Variants in RRN3 observed in about 807,000 individuals in gnomAD.
RRN3 encodes RNA polymerase I transcription factor RRN3.
RRN3 carries 38 observed loss-of-function variants against 82.3 expected under a neutral mutation model. The ratio of observed to expected loss-of-function variants is 0.46; its 90% CI spans 0.36 to 0.61. The LOEUF (loss-of-function observed/expected upper bound fraction) is 0.61. Among genes scored for constraint, RRN3 ranks in the 20% least tolerant of loss-of-function variants. RRN3 has a pLI of 0.00. For synonymous variants in RRN3, 284 were observed against 284.3 expected, an observed-to-expected ratio of 1.00 and a Z score of 0.01; for missense variants, 726 against 793.1, an observed-to-expected ratio of 0.92 and a Z score of 1.02.
intron 6 of RRN3, among the ~76,000 whole-genome samples, chr16:15,085,053 G>A (rs575724468): frequency 2.0e-5 from 3 of 151,918 alleles, no homozygotes; most frequent in Admixed American, 6.6e-5. Context: ...GCAACAGAGC[G>A]AGACTCTGTC....
chr16:15,060,105 A>G lies in RRN3; in HGVS notation c.*1639T>C. 1 of 342,006 alleles carries G rather than the reference A, an allele frequency of 2.9e-6. No individual in the cohort carries two copies. The highest frequency in any genetic ancestry group is 5.8e-6 in the Non-Finnish European group (1 of 173,188). The allele number at this position is 342,006 out of a possible 1,614,324, so 21.2% of individuals were successfully genotyped here. ...ACCATGTCATTGTTTCATTTTCACC[A>G]TGGATTTTTTTTCACAAACTCCTTT... On this transcript the variant is annotated 3_prime_UTR_variant, in exon 18 of 18. Transcript: ENST00000198767.
In RRN3 at chr16:15,061,566, C is replaced by T. The variant is rs1773718823; in HGVS notation, c.*178G>A. 2.0e-6 allele frequency: 1 copy of T among 499,652 alleles called. No homozygotes were observed. The highest frequency in any genetic ancestry group is 1.9e-5 in the African/African-American group (1 of 52,008). 31.0% of individuals were successfully genotyped at this position (499,652 alleles called of 1,614,324 possible). ...ATTTTGTCTGTAAGGGGAACAACAA[C>T]AACAAAAAAACCCAGTCTTCAGATG... On this transcript the variant is annotated 3_prime_UTR_variant, in exon 18 of 18. Transcript: ENST00000198767.
chr16:15,091,968 G>A (rs1048386119), intron 2 of RRN3, among the ~76,000 whole-genome samples: 11 of 152,170 alleles, frequency 7.2e-5, no homozygotes, highest in Non-Finnish European at 1.3e-4. Flanking sequence ...CACAAGGTCA[G>A]GAGTTCGAGA....
At position 15,074,782 on chromosome 16, in the gene RRN3, C is replaced by T. The variant is rs553992239; in HGVS notation, c.938G>A (p.Arg313His). 15 of 1,614,022 alleles carry T rather than the reference C, an allele frequency of 9.3e-6. No individual in the cohort carries two copies. The highest frequency in any genetic ancestry group is 3.3e-5 in the South Asian group (3 of 91,068). Reference protein sequence around the residue: ...LDQMVHPVAERLDILMSLVLS... With the variant: ...LDQMVHPVAEHLDILMSLVLS... ...AACCAAAGACATCAGGATGTCCAGG[C>T]GCTCGGCTACAGGATGCACCATCTG... is the stretch of plus-strand genomic sequence containing the variant. Residue 313 changes from arginine (R) to histidine (H), a missense_variant, in exon 11 of 18, where the codon CGC becomes CAC. Physicochemically the swap from Arg to His is conservative, Grantham distance 29. Around this residue, in one of 4 missense-constraint regions of RRN3, gnomAD observed 344 missense variants for 394.5 expected, o/e 0.87. Coordinates refer to ENST00000198767, the MANE Select transcript of RRN3 (RefSeq NM_018427.5).
intron 13 of RRN3, 40 bp from the exon 14 acceptor site, chr16:15,070,294 A>C: frequency 4.4e-6 from 7 of 1,606,274 alleles, no homozygotes; most frequent in Non-Finnish European, 5.9e-6. Flanking sequence ...TACACATCAT[A>C]AAAAAACCAG....
At chr16:15,076,127 C>A (rs926967549) in intron 10 of RRN3, among the ~76,000 whole-genome samples, 6 of 152,212 alleles carry the variant, frequency 3.9e-5, no homozygotes. Flanking sequence ...TGCTCCCTGA[C>A]ACCCTCTGTC....
At chr16:15,063,806 T>C (rs1219752373) in intron 16 of RRN3, among the ~76,000 whole-genome samples, 1 of 152,084 alleles carries the variant, frequency 6.6e-6, no homozygotes, top group African/African-American at 2.4e-5. Context: ...CATTCACTCA[T>C]GTCGATGGAG....
chr16:15,066,911 C>A (rs1440356122), intron 15 of RRN3, among the ~76,000 whole-genome samples: 2 of 152,020 alleles, frequency 1.3e-5, no homozygotes, highest in Admixed American at 6.6e-5. Context: ...GCATGCCAAC[C>A]CCAAATCGAG....
intron 15 of RRN3, among the ~76,000 whole-genome samples, chr16:15,067,286 C>G (rs1474328915): frequency 6.7e-6 from 1 of 149,964 alleles, no homozygotes; most frequent in Non-Finnish European, 1.5e-5. Flanking sequence ...TTCGCTTTCT[C>G]CATAAAGCAG....
At chr16:15,083,395 T>C (rs1302461983) in intron 8 of RRN3, 118 bp downstream of exon 8, 2 of 1,470,522 alleles carry the variant, frequency 1.4e-6, no homozygotes, top group Non-Finnish European at 1.8e-6. Flanking sequence ...TGAGACTCGG[T>C]CTCAAAAAAG....
chr16:15,073,066 C>T lies in RRN3; in HGVS notation c.1012G>A (p.Gly338Ser), dbSNP rs374353637. 5.6e-6 allele frequency: 9 copies of T among 1,610,094 alleles called. No individual in the cohort carries two copies. The highest frequency in any genetic ancestry group is 5.1e-5 in the Admixed American group (3 of 58,782). Residue 338 changes from glycine (G) to serine (S), a missense_variant, in exon 12 of 18, where the codon GGC (glycine) becomes AGC (serine). This residue lies in a region of RRN3 where 344 missense variants were observed against 394.5 expected (regional missense o/e 0.87). Transcript: ENST00000198767. ...TCGCGATATAGATCCTTTGTTTTGC[C>T]GTTATCAACCTTACCTATGGAGAAA... ...VCYVDGKVDN[G>S]KTKDLYRDLI...
At chr16:15,083,659 A>G (rs2045795373) in intron 7 of RRN3, 77 bp from the exon 8 acceptor site, 34 of 1,568,408 alleles carry the variant, frequency 2.2e-5, no homozygotes, top group Non-Finnish European at 2.9e-5. Flanking sequence ...CTACCATTCT[A>G]AAAGCAAATA....
intron 1 of RRN3, among the ~76,000 whole-genome samples, chr16:15,093,246 C>T (rs1460975712): frequency 2.6e-5 from 4 of 152,172 alleles, no homozygotes; most frequent in South Asian, 2.1e-4. Flanking sequence ...TCAGATGATC[C>T]GCCCGCCTCG....
intron 7 of RRN3, among the ~76,000 whole-genome samples, chr16:15,083,990 A>G (rs1453771282): frequency 6.6e-6 from 1 of 152,226 alleles, no homozygotes; most frequent in East Asian, 1.9e-4. Context: ...TGCTGGGATT[A>G]CAGGCGTGAG....
intron 14 of RRN3, among the ~76,000 whole-genome samples, chr16:15,069,027 T>TTTAC (rs1310802397): frequency 6.6e-6 from 1 of 152,198 alleles, no homozygotes; most frequent in Non-Finnish European, 1.5e-5. Context: ...AGAGCTTGTA[T>TTTAC]TTACTTACCT....
chr16:15,093,807 C>T (rs781723142), intron 1 of RRN3: 10 of 372,460 alleles, frequency 2.7e-5, no homozygotes, highest in Non-Finnish European at 4.8e-5. Context: ...TGATAACCCA[C>T]ATAGCCCAGG....
intron 5 of RRN3, 97 bp from the exon 6 acceptor site, chr16:15,085,795 A>G (rs2045895052): frequency 3.3e-5 from 50 of 1,506,244 alleles, no homozygotes; most frequent in Non-Finnish European, 4.5e-5. Context: ...GAACAGCTAT[A>G]AAAAAAGTTA....
rs542039603 is a variant in RRN3, at chr16:15,089,596, C to T, written c.252+1719G>A. ...CGGGCGGATCACGAGGTCAGAAGAT[C>T]GAGACCATCCTGGCTAACATGGTGA... On this transcript the variant is annotated intron_variant, in intron 3 of 17. Coordinates refer to ENST00000198767, the MANE Select transcript of RRN3 (RefSeq NM_018427.5). Among the ~76,000 whole-genome samples the T allele has an allele frequency of 5.0e-4, 75 of 150,788 alleles. 1 individual carries two copies. Among genetic ancestry groups the T allele is most frequent in the South Asian group, 1.9e-3 (9 of 4,756 alleles).
At chr16:15,092,434 T>C in intron 2 of RRN3, 75 bp downstream of exon 2, 2 of 850,410 alleles carry the variant, frequency 2.4e-6, no homozygotes, top group Non-Finnish European at 4.0e-6. Context: ...GCTATTTCTA[T>C]TGGTCTTTAG....
Sources: allele counts gnomAD v4.1 joint callset (sites outside exome capture counted in the v4.1 genomes callset), GRCh38; gene constraint gnomAD v4.1.1; regional missense constraint gnomAD v4.1.1; transcripts MANE v1.5; gene names NCBI Gene and HGNC (gene_info 2026-07-23, HGNC 2026-07-21).